The following SLC2A14 variants were observed in gnomAD, a reference collection of about 807,000 sequenced individuals.
SLC2A14 encodes the protein solute carrier family 2, facilitated glucose transporter member 14.
In SLC2A14, 13 loss-of-function variants were observed where a neutral mutation model predicts 43.0. The observed-to-expected ratio is 0.30, with a 90% CI of 0.20 to 0.48. The LOEUF (loss-of-function observed/expected upper bound fraction) is 0.48. SLC2A14 is among the 20% of genes least tolerant of loss of function. The pLI, the probability that SLC2A14 is intolerant of heterozygous loss-of-function variation, is 0.99. For synonymous variants in SLC2A14, 190 were observed against 233.8 expected (o/e 0.81, Z 1.71); for missense variants, 428 against 620.4 (o/e 0.69, Z 3.29).
At chr12:7,871,990 A>C in intron 1 of SLC2A14, 2 of 686,116 alleles carry the variant, frequency 2.9e-6, no homozygotes, top group Non-Finnish European at 3.6e-6. Flanking sequence ...AAGAAAAAAA[A>C]AGTAAGGTAC....
chr12:7,873,035 G>A (rs756102394), upstream of SLC2A14: 58 of 985,600 alleles, frequency 5.9e-5, 1 homozygote, highest in African/African-American at 9.6e-4. Context: ...TCAGAGCAGG[G>A]GTCCGGCTCG....
chr12:7,849,573 G>T (rs1013809968), intron 2 of SLC2A14, among the ~76,000 whole-genome samples: 1 of 151,534 alleles, frequency 6.6e-6, no homozygotes, highest in African/African-American at 2.4e-5. Context: ...TTTTAAAGGT[G>T]ATGAAAAAAA....
At chr12:7,830,048 G>A (rs760216746) in intron 4 of SLC2A14, 42 bp from the exon 5 acceptor site, 4 of 1,611,718 alleles carry the variant, frequency 2.5e-6, no homozygotes, top group South Asian at 2.2e-5. Context: ...AGCAAAGTGA[G>A]AGGCTCCTAA....
chr12:7,846,530 T>C (rs1866479038), intron 2 of SLC2A14, among the ~76,000 whole-genome samples: 1 of 152,088 alleles, frequency 6.6e-6, no homozygotes, highest in Non-Finnish European at 1.5e-5. Flanking sequence ...GCATTCCAAG[T>C]GTATTTCATG....
At chr12:7,873,633 C>T (rs766856377), upstream of SLC2A14, 4 of 151,088 alleles carry the variant, frequency 2.6e-5, no homozygotes, top group African/African-American at 9.8e-5. Flanking sequence ...GCTCAAGATT[C>T]CGTCTCAAAA....
chr12:7,863,165 C>T (rs1420219676), intron 2 of SLC2A14, among the ~76,000 whole-genome samples: 2 of 152,040 alleles, frequency 1.3e-5, no homozygotes, highest in African/African-American at 4.8e-5. Context: ...ATTTTTGAGC[C>T]CAGCGAGACT....
chr12:7,817,343 G>A (rs1009891540), intron 10 of SLC2A14, among the ~76,000 whole-genome samples: 2 of 152,028 alleles, frequency 1.3e-5, no homozygotes, highest in African/African-American at 4.8e-5. Context: ...TCTACCTCCC[G>A]ACCTCAGGTG....
At chr12:7,854,118 C>T (rs1867159858) in intron 2 of SLC2A14, among the ~76,000 whole-genome samples, 6 of 151,962 alleles carry the variant, frequency 3.9e-5, no homozygotes, top group Admixed American at 3.9e-4. Flanking sequence ...ATATCTATAG[C>T]CTGTCTTATT....
At position 7,872,832 on chromosome 12, in the gene SLC2A14, G is replaced by C; in HGVS notation, c.-83C>G. The stretch of plus-strand genomic sequence containing the variant: ...CTCCCAGACCCCGCGACTGCGGTTG[G>C]GCCCCGCGGCTTCGCTCAACCACGC... On this transcript the variant is annotated 5_prime_UTR_variant, in exon 1 of 11. Transcript: ENST00000431042. The C allele has an allele frequency of 1.0e-6, 1 of 985,492 alleles. No individual in the cohort carries two copies. Among genetic ancestry groups the C allele is most frequent in the Non-Finnish European group, 1.2e-6 (1 of 830,034 alleles). The allele number at this position is 985,492 out of a possible 1,614,324, so 61.0% of individuals were successfully genotyped here. A position where few individuals can be genotyped will look rare whatever the true frequency, so the allele number is the denominator to read the frequency against.
chr12:7,813,618 G>C lies in SLC2A14; in HGVS notation c.*698C>G, dbSNP rs996704693. The C allele has an allele frequency of 1.3e-5, 2 of 152,166 alleles. No individual in the cohort carries two copies. The highest frequency in any genetic ancestry group is 4.8e-5 in the African/African-American group (2 of 41,436). 9.4% of individuals were successfully genotyped at this position (152,166 alleles called of 1,614,324 possible). A position where few individuals can be genotyped will look rare whatever the true frequency, so the allele number is the denominator to read the frequency against. ...CCATCTGAAGGACAGAAATTGTTAA[G>C]AGGTAATGTACAGACCTCAGGCACC... On this transcript the variant is annotated 3_prime_UTR_variant, in exon 11 of 11. Transcript: ENST00000431042.
At chr12:7,837,459 G>T (rs1002045958) in intron 2 of SLC2A14, among the ~76,000 whole-genome samples, 3 of 151,912 alleles carry the variant, frequency 2.0e-5, no homozygotes, top group Non-Finnish European at 4.4e-5. Context: ...GACCAACATG[G>T]AGAAACAACA....
chr12:7,860,739 C>T (rs1385300233), intron 2 of SLC2A14: 2 of 152,844 alleles, frequency 1.3e-5, no homozygotes, highest in Non-Finnish European at 2.9e-5. Flanking sequence ...CAGATTGTTT[C>T]CATCAGTATT....
Position 7,822,541 on chromosome 12 carries a change from C to T in SLC2A14, c.865-1216G>A, listed in dbSNP as rs1360882102. On this transcript the variant is annotated intron_variant, in intron 7 of 10. Transcript: ENST00000431042. ...AAAATTAGCCAGGCGTGGTGGCGGG[C>T]GCCTGTAGTCCCAGCTACTGGGGAG... Among the ~76,000 whole-genome samples the T allele has an allele frequency of 6.6e-5, 10 of 151,902 alleles. No homozygotes were observed. In the East Asian group the frequency reaches 9.8e-4, roughly 15 times the overall value.
chr12:7,842,433 A>G lies in SLC2A14; in HGVS notation c.19-9619T>C, dbSNP rs111576772. Among the ~76,000 whole-genome samples the G allele has an allele frequency of 2.4e-3, 364 of 152,350 alleles. 1 individual carries two copies. Among genetic ancestry groups the G allele is most frequent in the African/African-American group, 8.5e-3 (353 of 41,584 alleles). Reference sequence around the variant, plus strand: ...ATCACAGACAAGGGTTTTAAAAGTCATCTTCACTTGATCTTAGCCAAAAGG... The same window carrying G: ...ATCACAGACAAGGGTTTTAAAAGTCGTCTTCACTTGATCTTAGCCAAAAGG... On this transcript the variant is annotated intron_variant, in intron 2 of 10. Coordinates refer to ENST00000431042, the MANE Select transcript of SLC2A14 (RefSeq NM_001286234.2).
At chr12:7,862,378 C>T (rs961812263) in intron 2 of SLC2A14, among the ~76,000 whole-genome samples, 11 of 152,084 alleles carry the variant, frequency 7.2e-5, no homozygotes, top group African/African-American at 1.4e-4. Flanking sequence ...GCCAGCCCAC[C>T]GGCGCTGCGC....
rs780749905 is a variant in SLC2A14, at chr12:7,827,535, A to G, written c.824T>C (p.Ile275Thr). 11 of 1,612,470 alleles carry G rather than the reference A, an allele frequency of 6.8e-6. No individual in the cohort carries two copies. Among genetic ancestry groups the G allele is most frequent in the Middle Eastern group, 1.6e-4 (1 of 6,074 alleles). The change falls in exon 7 of 11, where the codon ATT becomes ACT. Residue 275 changes from isoleucine to threonine, a missense_variant. Around this residue, in one of 4 missense-constraint regions of SLC2A14, gnomAD observed 185 missense variants for 275.4 expected, o/e 0.67. Coordinates refer to ENST00000431042, the MANE Select transcript of SLC2A14 (RefSeq NM_001286234.2). ...SSYRQPIIIS[I>T]VLQLSQQLSG... The stretch of plus-strand genomic sequence containing the variant: ...GAGCTGCTGAGAGAGCTGGAGCACA[A>G]TGGAAATGATGATGGGCTGTCGGTA...
At chr12:7,887,329 G>A (rs1945703892) in intron 1 of SLC2A14, among the ~76,000 whole-genome samples, 1 of 151,812 alleles carries the variant, frequency 6.6e-6, no homozygotes, top group African/African-American at 2.4e-5. Context: ...AAAAATCACA[G>A]GGAGAATTTT....
At chr12:7,877,097 G>A (rs1328591913), upstream of SLC2A14, among the ~76,000 whole-genome samples, 1 of 150,780 alleles carries the variant, frequency 6.6e-6, no homozygotes, top group Non-Finnish European at 1.5e-5. Flanking sequence ...TCTGCCTCCC[G>A]GATTCAAATG....
chr12:7,819,413 G>C, intron 9 of SLC2A14, 69 bp downstream of exon 9: 1 of 1,567,698 alleles, frequency 6.4e-7, no homozygotes, highest in South Asian at 1.2e-5. Flanking sequence ...CCCACCCCTT[G>C]TGTCACAGAA....
Sources: gnomAD v4.1 joint callset for allele counts (sites outside exome capture counted in the v4.1 genomes callset) on GRCh38, gnomAD v4.1.1 for gene constraint, gnomAD v4.1.1 regional missense constraint, MANE v1.5 for transcripts, NCBI Gene and HGNC (gene_info 2026-07-23, HGNC 2026-07-21) for gene names.